The following HECW2 variants were observed in gnomAD, a reference collection of about 807,000 sequenced individuals.
HECW2 encodes the protein HECT, C2 and WW domain containing E3 ubiquitin protein ligase 2.
A neutral mutation model predicts 175.2 loss-of-function variants in HECW2; 61 were observed. The ratio of observed to expected loss-of-function variants is 0.35; its 90% CI spans 0.28 to 0.43. The LOEUF is 0.43. Ranked by LOEUF, HECW2 falls within the 20% of genes least tolerant of loss-of-function variation. The probability of loss-of-function intolerance (pLI) is 1.00; values close to 1 mark genes in which losing one functional copy is unlikely to be tolerated. For missense variants in HECW2, 1,524 were observed against 2,000.5 expected, an observed-to-expected ratio of 0.76 and a Z score of 4.54; for synonymous variants, 671 against 731.0, an observed-to-expected ratio of 0.92 and a Z score of 1.32.
intron 3 of HECW2, among the ~76,000 whole-genome samples, chr2:196,340,705 G>C (rs1209403233): frequency 6.6e-6 from 1 of 151,514 alleles, no homozygotes; most frequent in Non-Finnish European, 1.5e-5. Context: ...GGGGGTGAGT[G>C]TTTTGGTGGG....
At chr2:196,318,423 T>C in intron 9 of HECW2, 129 bp downstream of exon 9, 2 of 1,133,042 alleles carry the variant, frequency 1.8e-6, no homozygotes, top group Non-Finnish European at 1.2e-6. Flanking sequence ...TCTTGCCTGC[T>C]GAACCTCAAG....
intron 1 of HECW2, among the ~76,000 whole-genome samples, chr2:196,441,168 A>G (rs1318175261): frequency 6.6e-6 from 1 of 152,204 alleles, no homozygotes. Flanking sequence ...TAGTTTTGCT[A>G]AAGAATCTGG....
intron 27 of HECW2, among the ~76,000 whole-genome samples, chr2:196,216,257 G>A (rs114709310): frequency 0.032 from 4,801 of 152,222 alleles, 191 homozygotes; most frequent in Admixed American, 0.11. Flanking sequence ...AGCTTAAACC[G>A]GGCACATTTC....
At chr2:196,490,085 G>T (rs1346867575) in intron 1 of HECW2, among the ~76,000 whole-genome samples, 1 of 152,190 alleles carries the variant, frequency 6.6e-6, no homozygotes, top group Non-Finnish European at 1.5e-5. Flanking sequence ...CAGCCACTGT[G>T]GGAGATGGCT....
intron 1 of HECW2, among the ~76,000 whole-genome samples, chr2:196,497,152 T>C (rs1396996699): frequency 1.3e-5 from 2 of 152,164 alleles, no homozygotes; most frequent in Admixed American, 1.3e-4. Flanking sequence ...CTAAGATCTA[T>C]AGGTTCCCCC....
intron 3 of HECW2, among the ~76,000 whole-genome samples, chr2:196,336,378 TGTG>T (rs1692550705): frequency 6.6e-6 from 1 of 152,148 alleles, no homozygotes; most frequent in Non-Finnish European, 1.5e-5. Context: ...CAGAATAAAG[TGTG>T]GTAACATGCA....
intron 28 of HECW2, among the ~76,000 whole-genome samples, chr2:196,203,330 C>T (rs1686939216): frequency 6.6e-6 from 1 of 152,128 alleles, no homozygotes; most frequent in African/African-American, 2.4e-5. Flanking sequence ...AAAGGTTTTA[C>T]TTATTTAAAA....
At chr2:196,547,892 A>T (rs1689477587) in intron 1 of HECW2, among the ~76,000 whole-genome samples, 1 of 152,176 alleles carries the variant, frequency 6.6e-6, no homozygotes, top group African/African-American at 2.4e-5. Flanking sequence ...GGGGCAACTG[A>T]GTGGAATCAT....
intron 21 of HECW2, among the ~76,000 whole-genome samples, chr2:196,231,731 G>C (rs1688063528): frequency 6.6e-6 from 1 of 152,094 alleles, no homozygotes; most frequent in Admixed American, 6.5e-5. Context: ...GCTCACGCCT[G>C]TAATCCCATC....
intron 2 of HECW2, among the ~76,000 whole-genome samples, chr2:196,350,044 A>G (rs1693114731): frequency 6.6e-6 from 1 of 152,086 alleles, no homozygotes; most frequent in South Asian, 2.1e-4. Flanking sequence ...ATGGCTCACA[A>G]TGAATGAGGG....
chr2:196,277,596 T>C (rs976293071), intron 15 of HECW2, among the ~76,000 whole-genome samples: 6 of 152,030 alleles, frequency 3.9e-5, no homozygotes, highest in Non-Finnish European at 8.8e-5. Context: ...GAACTAGAAA[T>C]ACCATTTGAC....
At chr2:196,235,990 T>A in intron 21 of HECW2, among the ~76,000 whole-genome samples, 1 of 152,168 alleles carries the variant, frequency 6.6e-6, no homozygotes, top group Non-Finnish European at 1.5e-5. Flanking sequence ...CTCCCTTTTC[T>A]TTATGCTTTA....
chr2:196,416,305 C>G (rs183633646), intron 2 of HECW2, among the ~76,000 whole-genome samples: 3 of 152,054 alleles, frequency 2.0e-5, no homozygotes, highest in African/African-American at 7.2e-5. Flanking sequence ...ATTTAAAATC[C>G]CAAGGACAGT....
intron 2 of HECW2, among the ~76,000 whole-genome samples, chr2:196,351,825 G>T (rs9288261): frequency 0.25 from 38,733 of 152,086 alleles, 6,463 homozygotes; most frequent in African/African-American, 0.48. Flanking sequence ...TTTGGGATTG[G>T]AGAGCAATAC....
chr2:196,278,415 CAAAAAAA>C lies in HECW2; in HGVS notation c.3135+106_3135+112del, dbSNP rs756473431. ...AGCTTTTCAGCCTCTAAATCAAACT[CAAAAAAA>C]AAAAAAAGAAAAAATGCTTTAAAAA... is the stretch of plus-strand genomic sequence containing the variant. On this transcript the variant is annotated intron_variant, in intron 15 of 28. Coordinates refer to ENST00000644978, the MANE Select transcript of HECW2 (RefSeq NM_001348768.2). 1.2e-5 allele frequency: 11 copies of C among 943,606 alleles called. No homozygotes were observed. In the African/African-American group the frequency reaches 1.6e-4, roughly 13 times the overall value. 58.5% of individuals were successfully genotyped at this position (943,606 alleles called of 1,614,324 possible).
chr2:196,490,672 T>TA (rs1173966480), intron 1 of HECW2, among the ~76,000 whole-genome samples: 2 of 152,206 alleles, frequency 1.3e-5, no homozygotes, highest in East Asian at 3.8e-4. Flanking sequence ...ACAGCAGCAT[T>TA]ATTTATAAGG....
chr2:196,292,391 C>T, intron 14 of HECW2, 174 bp downstream of exon 14: 1 of 572,444 alleles, frequency 1.7e-6, no homozygotes, highest in South Asian at 2.4e-5. Context: ...CAGAATGGCA[C>T]AGTCACTGTT....
At position 196,200,350 on chromosome 2, in the gene HECW2, A is replaced by G. The variant is rs557839389; in HGVS notation, c.*927T>C. ...TTTTTTTTACCTTTATAAAAATAAA[A>G]GGCCCTTTTGTTTCCTTGAGAGTGC... On this transcript the variant is annotated 3_prime_UTR_variant, in exon 29 of 29. Coordinates refer to ENST00000644978, the MANE Select transcript of HECW2 (RefSeq NM_001348768.2). 6.5e-6 allele frequency: 1 copy of G among 152,720 alleles called. No individual in the cohort carries two copies. The highest frequency in any genetic ancestry group is 1.9e-4 in the East Asian group (1 of 5,186). The allele number at this position is 152,720 out of a possible 1,614,324, so 9.5% of individuals were successfully genotyped here. A position where few individuals can be genotyped will look rare whatever the true frequency, so the allele number is the denominator to read the frequency against.
intron 1 of HECW2, among the ~76,000 whole-genome samples, chr2:196,492,425 T>C (rs1202128221): frequency 1.3e-5 from 2 of 152,146 alleles, no homozygotes; most frequent in Admixed American, 6.5e-5. Context: ...CCCAGTGCCA[T>C]GTGGAATGCC....
Sources: allele counts gnomAD v4.1 joint callset (sites outside exome capture counted in the v4.1 genomes callset), GRCh38; gene constraint gnomAD v4.1.1; transcripts MANE v1.5; gene names NCBI Gene and HGNC (gene_info 2026-07-23, HGNC 2026-07-21).